The following EDIL3 variants were observed in gnomAD, a reference collection of about 807,000 sequenced individuals.
EDIL3 encodes EGF-like repeat and discoidin I-like domain-containing protein 3.
A neutral mutation model predicts 67.4 loss-of-function variants in EDIL3; 37 were observed. The observed-to-expected ratio is 0.55, with a 90% CI of 0.42 to 0.72. The LOEUF (loss-of-function observed/expected upper bound fraction) is 0.72. Among genes scored for constraint, EDIL3 ranks in the 30% least tolerant of loss-of-function variants. The pLI, the probability that EDIL3 is intolerant of heterozygous loss-of-function variation, is 0.00. For synonymous variants in EDIL3, 195 were observed against 196.3 expected (o/e 0.99, Z 0.05); for missense variants, 527 against 586.3 (o/e 0.90, Z 1.04).
intron 3 of EDIL3, among the ~76,000 whole-genome samples, chr5:84,221,746 T>C (rs1485063283): frequency 6.6e-6 from 1 of 151,990 alleles, no homozygotes; most frequent in Non-Finnish European, 1.5e-5. Flanking sequence ...TAGGTTTTAA[T>C]ATTTGAGCCT....
At chr5:83,970,455 C>A (rs1042307448) in intron 9 of EDIL3, among the ~76,000 whole-genome samples, 2 of 148,288 alleles carry the variant, frequency 1.3e-5, no homozygotes, top group African/African-American at 2.5e-5. Flanking sequence ...TTTTACTATA[C>A]TCAAATGTAT....
At chr5:84,301,336 A>G (rs1341921611) in intron 1 of EDIL3, among the ~76,000 whole-genome samples, 2 of 152,170 alleles carry the variant, frequency 1.3e-5, no homozygotes, top group African/African-American at 4.8e-5. Context: ...TTAAAAAAAA[A>G]GTCAAATGCA....
In EDIL3 at chr5:84,267,375, A is replaced by G. The variant is rs1052931329; in HGVS notation, c.68-13163T>C. Among the ~76,000 whole-genome samples the G allele has an allele frequency of 7.9e-4, 120 of 152,344 alleles. 1 individual carries two copies. Among genetic ancestry groups the G allele is most frequent in the African/African-American group, 2.8e-3 (117 of 41,588 alleles). On this transcript the variant is annotated intron_variant, in intron 1 of 10. Transcript: ENST00000296591. ...TCAGTTTGCAGTTATTAACATGGCT[A>G]TGCCCCTTAGTATGATAATTTATCC...
At chr5:84,165,315 G>T (rs1310562429) in intron 4 of EDIL3, among the ~76,000 whole-genome samples, 2 of 152,032 alleles carry the variant, frequency 1.3e-5, no homozygotes, top group African/African-American at 2.4e-5. Flanking sequence ...TATAAGAAAA[G>T]AAACTACACA....
chr5:84,137,352 T>C lies in EDIL3; in HGVS notation c.358A>G (p.Ile120Val). The change falls in exon 5 of 11, where the codon ATA becomes GTA. Residue 120 changes from isoleucine to valine, a missense_variant and splice_region_variant. Physicochemically the swap from Ile to Val is conservative, Grantham distance 29. Coordinates refer to ENST00000296591, the MANE Select transcript of EDIL3 (RefSeq NM_005711.5). ...CAAGGCTCAACTTCGCATTCATTTATGTCTAAGAAAAACAGAAAGGACAGA... is the reference window on the plus strand; with the variant it reads ...CAAGGCTCAACTTCGCATTCATTTACGTCTAAGAAAAACAGAAAGGACAGA... ...GFNGIHCQHN[I>V]NECEVEPCKN... The C allele has an allele frequency of 1.9e-6, 3 of 1,611,586 alleles. No individual in the cohort carries two copies. The highest frequency in any genetic ancestry group is 2.5e-6 in the Non-Finnish European group (3 of 1,179,128).
At chr5:84,247,116 A>G (rs1294230235) in intron 2 of EDIL3, among the ~76,000 whole-genome samples, 1 of 152,136 alleles carries the variant, frequency 6.6e-6, no homozygotes, top group Non-Finnish European at 1.5e-5. Context: ...GCTTTAGAGA[A>G]AGTATTTTAG....
At chr5:84,351,793 TA>T (rs898373311) in intron 1 of EDIL3, among the ~76,000 whole-genome samples, 10 of 150,632 alleles carry the variant, frequency 6.6e-5, no homozygotes, top group East Asian at 5.8e-4. Flanking sequence ...GAAGTTAATC[TA>T]AAAAAAAACT....
intron 1 of EDIL3, among the ~76,000 whole-genome samples, chr5:84,337,431 A>G (rs1747011029): frequency 6.6e-6 from 1 of 152,178 alleles, no homozygotes. Flanking sequence ...TGGTAGTTAC[A>G]TCCTCAAATT....
intron 6 of EDIL3, among the ~76,000 whole-genome samples, chr5:84,104,252 A>T (rs1034571383): frequency 6.6e-6 from 1 of 151,916 alleles, no homozygotes; most frequent in Non-Finnish European, 1.5e-5. Context: ...GGAGGAGGGA[A>T]AGGACTAGGA....
At chr5:84,317,541 T>C (rs140660822) in intron 1 of EDIL3, among the ~76,000 whole-genome samples, 5,167 of 151,912 alleles carry the variant, frequency 0.034, 301 homozygotes, top group African/African-American at 0.12. Flanking sequence ...AAGACTAAAC[T>C]AGGAAGAAGT....
In EDIL3 at chr5:84,037,988, GTT is replaced by G. The variant is rs67762520; in HGVS notation, c.1137+22310_1137+22311del. ...TTCTCTTTTCTTTTCTTTCTTTCTT[GTT>G]TTTTTTTTTTTTTTTTTTTTTGAGA... On this transcript the variant is annotated intron_variant, in intron 9 of 10. Coordinates refer to ENST00000296591, the MANE Select transcript of EDIL3 (RefSeq NM_005711.5). Among the ~76,000 whole-genome samples the G allele has an allele frequency of 6.1e-3, 607 of 99,658 alleles. 5 individuals are homozygous for G. Among genetic ancestry groups the G allele is most frequent in the African/African-American group, 0.023 (508 of 22,178 alleles). The allele number at this position is 99,658 out of a possible 152,430, so 65.4% of individuals were successfully genotyped here. A position where few individuals can be genotyped will look rare whatever the true frequency, so the allele number is the denominator to read the frequency against.
At chr5:84,353,098 T>C (rs1454923005) in intron 1 of EDIL3, among the ~76,000 whole-genome samples, 1 of 152,110 alleles carries the variant, frequency 6.6e-6, no homozygotes, top group Non-Finnish European at 1.5e-5. Context: ...CTGCACCCAA[T>C]CAATGTGAAT....
intron 9 of EDIL3, among the ~76,000 whole-genome samples, chr5:83,984,522 A>G (rs564439010): frequency 2.4e-4 from 36 of 152,244 alleles, no homozygotes; most frequent in African/African-American, 8.7e-4. Context: ...TAGTGCAGCA[A>G]TTAAAAGCTA....
intron 5 of EDIL3, among the ~76,000 whole-genome samples, chr5:84,110,311 A>G (rs1415937666): frequency 6.6e-6 from 1 of 152,164 alleles, no homozygotes; most frequent in Non-Finnish European, 1.5e-5. Flanking sequence ...TTCAAAATCC[A>G]ATTTCCTTTT....
At chr5:84,184,785 C>T (rs938181418) in intron 3 of EDIL3, among the ~76,000 whole-genome samples, 2 of 152,178 alleles carry the variant, frequency 1.3e-5, no homozygotes, top group African/African-American at 4.8e-5. Context: ...CTTGGGGCAG[C>T]CTCTGGGATT....
intron 10 of EDIL3, among the ~76,000 whole-genome samples, chr5:83,963,001 AT>A (rs1247172550): frequency 1.3e-5 from 2 of 151,520 alleles, no homozygotes; most frequent in East Asian, 1.9e-4. Context: ...CAGTAAAGCA[AT>A]TTTTTTCCTC....
chr5:84,180,648 T>C (rs1249020945), intron 3 of EDIL3, 127 bp from the exon 4 acceptor site: 2 of 1,075,460 alleles, frequency 1.9e-6, no homozygotes, highest in Non-Finnish European at 2.5e-6. Context: ...GTAAATGTAC[T>C]GGTTGTATGA....
intron 1 of EDIL3, among the ~76,000 whole-genome samples, chr5:84,308,804 T>C (rs1027013735): frequency 1.3e-5 from 2 of 152,224 alleles, no homozygotes; most frequent in East Asian, 1.9e-4. Flanking sequence ...TATTTGATTG[T>C]AATTTTTAAA....
At chr5:84,290,608 C>A (rs1745895952) in intron 1 of EDIL3, among the ~76,000 whole-genome samples, 1 of 152,138 alleles carries the variant, frequency 6.6e-6, no homozygotes, top group East Asian at 1.9e-4. Context: ...GATGGTGAGT[C>A]AAGGCTGAAA....
Sources: gnomAD v4.1 joint callset for allele counts (sites outside exome capture counted in the v4.1 genomes callset) on GRCh38, gnomAD v4.1.1 for gene constraint, MANE v1.5 for transcripts, NCBI Gene and HGNC (gene_info 2026-07-23, HGNC 2026-07-21) for gene names.